GPR137B: variants seen among roughly 807,000 people sequenced by gnomAD.
The protein encoded by GPR137B is integral membrane protein GPR137B.
A neutral mutation model predicts 42.5 loss-of-function variants in GPR137B; 42 were observed. The ratio of observed to expected loss-of-function variants is 0.99; its 90% confidence interval spans 0.77 to 1.28. GPR137B has a LOEUF of 1.28. Ranked by LOEUF, GPR137B falls within the 50% of genes most tolerant of loss-of-function variation. The pLI is 0.00. For synonymous variants in GPR137B, 218 were observed against 209.7 expected (o/e 1.04, Z -0.34); for missense variants, 487 against 493.9 (o/e 0.99, Z 0.13).
rs539220353 is a variant in GPR137B, at chr1:236,203,147, G to T, written c.967-1979G>T. 6.4e-3 allele frequency among the ~76,000 whole-genome samples: 967 copies of T among 152,058 alleles called. 6 individuals are homozygous for T. Among genetic ancestry groups the T allele is most frequent in the Non-Finnish European group, 0.01 (706 of 67,954 alleles). On this transcript the variant is annotated intron_variant, in intron 5 of 6. Coordinates refer to ENST00000366592, the MANE Select transcript of GPR137B (RefSeq NM_003272.4). The stretch of plus-strand genomic sequence containing the variant: ...GGCTGGAGTGCAATGGCGTGATCTC[G>T]GCTCACTGCAAGCTCCGCCTCCCAG...
intron 4 of GPR137B, among the ~76,000 whole-genome samples, chr1:236,181,141 TTAAAGTTTTATAA>T (rs1662861216): frequency 6.6e-6 from 1 of 152,162 alleles, no homozygotes; most frequent in Admixed American, 6.6e-5. Flanking sequence ...ACTGAGGATA[TTAAAGTTTTATAA>T]AAGCTCATGG....
At chr1:236,172,508 G>T (rs1261699513) in intron 2 of GPR137B, among the ~76,000 whole-genome samples, 1 of 152,154 alleles carries the variant, frequency 6.6e-6, no homozygotes, top group Admixed American at 6.5e-5. Context: ...TGCTAGCTCA[G>T]AGTTTTGCTG....
chr1:236,178,093 C>T (rs1662741076), intron 2 of GPR137B, among the ~76,000 whole-genome samples: 2 of 152,214 alleles, frequency 1.3e-5, no homozygotes, highest in South Asian at 4.2e-4. Flanking sequence ...TATAAAACGC[C>T]ATCCCGAGCT....
At chr1:236,204,954 C>T (rs561293187) in intron 5 of GPR137B, among the ~76,000 whole-genome samples, 172 bp from the exon 6 acceptor site, 4 of 152,128 alleles carry the variant, frequency 2.6e-5, no homozygotes, top group Non-Finnish European at 5.9e-5. Flanking sequence ...AAAGGCAAGG[C>T]GAATCCCTCT....
chr1:236,172,521 G>A (rs1356351228), intron 2 of GPR137B, among the ~76,000 whole-genome samples: 1 of 152,168 alleles, frequency 6.6e-6, no homozygotes, highest in African/African-American at 2.4e-5. Flanking sequence ...TTTTGCTGGA[G>A]TGGAAGGCAA....
In GPR137B at chr1:236,179,883, C is replaced by T. The variant is rs759943159; in HGVS notation, c.692C>T (p.Ser231Phe). 2.3e-5 allele frequency: 36 copies of T among 1,577,818 alleles called. No homozygotes were observed. In the South Asian group the frequency reaches 3.8e-4, roughly 17 times the overall value. ...LANIYLESKGSSVCQVTAIGV... is the reference protein window; with the variant it reads ...LANIYLESKGFSVCQVTAIGV... ...CTTCTGCTCCCTCTTTTCCAGGGCT[C>T]CTCCGTGTGTCAAGTGACTGCCATC... Residue 231 changes from serine to phenylalanine, a missense_variant, in exon 4 of 7, where the codon TCC (serine) becomes TTC (phenylalanine). Physicochemically the swap from Ser to Phe is radical, Grantham distance 155. Transcript: ENST00000366592.
At chr1:236,202,423 C>T (rs1663518632) in intron 5 of GPR137B, among the ~76,000 whole-genome samples, 1 of 151,988 alleles carries the variant, frequency 6.6e-6, no homozygotes. Context: ...TTTCACCTGT[C>T]TCTCAGAATT....
intron 1 of GPR137B, among the ~76,000 whole-genome samples, chr1:236,143,651 G>A (rs1471046315): frequency 6.6e-6 from 1 of 152,146 alleles, no homozygotes; most frequent in African/African-American, 2.4e-5. Context: ...AGCTGCTGCC[G>A]CTCATCAGAG....
At chr1:236,153,627 G>A (rs1405603131) in intron 1 of GPR137B, among the ~76,000 whole-genome samples, 1 of 152,208 alleles carries the variant, frequency 6.6e-6, no homozygotes, top group Non-Finnish European at 1.5e-5. Context: ...TCGCTGCGTG[G>A]AACTTAGCCT....
rs1316095739 is a variant in GPR137B at position 236,179,862 on chromosome 1, T to A, written c.688-17T>A. The stretch of plus-strand genomic sequence containing the variant: ...TGGACCTGGAGTGTCCCATACCTTC[T>A]GCTCCCTCTTTTCCAGGGCTCCTCC... On this transcript the variant is annotated splice_polypyrimidine_tract_variant and intron_variant, in intron 3 of 6. Transcript: ENST00000366592. 6.4e-7 allele frequency: 1 copy of A among 1,559,494 alleles called. No homozygotes were observed. The highest frequency in any genetic ancestry group is 8.7e-7 in the Non-Finnish European group (1 of 1,153,542).
intron 2 of GPR137B, among the ~76,000 whole-genome samples, chr1:236,169,306 C>T (rs1662465004): frequency 2.6e-5 from 4 of 152,198 alleles, no homozygotes; most frequent in African/African-American, 9.6e-5. Context: ...CCTTACCCGC[C>T]TTGTCTCAGC....
chr1:236,185,639 T>A (rs994990075), intron 5 of GPR137B, among the ~76,000 whole-genome samples: 2 of 152,260 alleles, frequency 1.3e-5, no homozygotes, highest in Non-Finnish European at 2.9e-5. Flanking sequence ...CACCTCAGCC[T>A]TGACCTCCTG....
At chr1:236,195,679 A>G (rs1172976870) in intron 5 of GPR137B, among the ~76,000 whole-genome samples, 1 of 152,240 alleles carries the variant, frequency 6.6e-6, no homozygotes, top group Non-Finnish European at 1.5e-5. Flanking sequence ...AGGAACTGCC[A>G]AACTGTTCTC....
intron 4 of GPR137B, among the ~76,000 whole-genome samples, chr1:236,181,823 T>G (rs1274579050): frequency 2.6e-5 from 4 of 151,842 alleles, no homozygotes; most frequent in Admixed American, 6.6e-5. Flanking sequence ...AAACAATGAT[T>G]AATTAGAGAC....
chr1:236,156,762 G>T lies in GPR137B; in HGVS notation c.415-11944G>T, dbSNP rs1282344213. 6.6e-6 allele frequency among the ~76,000 whole-genome samples: 1 copy of T among 152,192 alleles called. No homozygotes were observed. Among genetic ancestry groups the T allele is most frequent in the Non-Finnish European group, 1.5e-5 (1 of 68,044 alleles). On this transcript the variant is annotated intron_variant, in intron 1 of 6. Transcript: ENST00000366592. This position sits in a 1 kb window ranked among gnomAD's most constrained non-coding sequence, Gnocchi z 4.8. ...CTGAAGCAGCTGACTAATGACTGTT[G>T]CCTGGGGAGACCAGGGCCCTGGGGT... is the stretch of plus-strand genomic sequence containing the variant.
rs1206401734 is a variant in GPR137B, at chr1:236,166,474, TTATATATATTTATATATAC to T, written c.415-2231_415-2213del. On this transcript the variant is annotated intron_variant, in intron 1 of 6. Coordinates refer to ENST00000366592, the MANE Select transcript of GPR137B (RefSeq NM_003272.4). Reference sequence around the variant, plus strand: ...TTTTAATGTATATTAAATATATACATTATATATATTTATATATACATATATATATTTATATATATACATT... The same window carrying T: ...TTTTAATGTATATTAAATATATACATATATATATATTTATATATATACATT... Among the ~76,000 whole-genome samples the T allele has an allele frequency of 1.8e-3, 242 of 133,584 alleles. 2 individuals are homozygous for T. The highest frequency in any genetic ancestry group is 7.7e-3 in the African/African-American group (225 of 29,310). 87.6% of individuals were successfully genotyped at this position (133,584 alleles called of 152,430 possible). A position where few individuals can be genotyped will look rare whatever the true frequency, so the allele number is the denominator to read the frequency against.
At chr1:236,190,839 G>A (rs1397993801) in intron 5 of GPR137B, among the ~76,000 whole-genome samples, 3 of 152,126 alleles carry the variant, frequency 2.0e-5, no homozygotes, top group Non-Finnish European at 4.4e-5. Context: ...CCTTCTTAAG[G>A]AGTATCTTTG....
intron 1 of GPR137B, among the ~76,000 whole-genome samples, chr1:236,146,840 G>A (rs1486684967): frequency 2.6e-5 from 4 of 152,116 alleles, no homozygotes; most frequent in Non-Finnish European, 5.9e-5. Flanking sequence ...TTATTTTGGA[G>A]TCTGGCTCTG....
In GPR137B at chr1:236,150,496, A is replaced by G. The variant is rs1347058269; in HGVS notation, c.414+7460A>G. ...TCTCTGCAGCTGAGGCTGTGACCGC[A>G]TCAGTGCCTCGGTGATGCCCTGCCA... On this transcript the variant is annotated intron_variant, in intron 1 of 6. Coordinates refer to ENST00000366592, the MANE Select transcript of GPR137B (RefSeq NM_003272.4). The surrounding 1 kb of genome is among the most constrained non-coding windows in gnomAD (Gnocchi z 6.2). Among the ~76,000 whole-genome samples, 3 of 152,166 alleles carry G rather than the reference A, an allele frequency of 2.0e-5. No homozygotes were observed. The highest frequency in any genetic ancestry group is 7.2e-5 in the African/African-American group (3 of 41,440).
Sources: gnomAD v4.1 joint callset for allele counts (sites outside exome capture counted in the v4.1 genomes callset) on GRCh38, gnomAD v4.1.1 for gene constraint, Gnocchi (gnomAD v3.1) non-coding constraint, MANE v1.5 for transcripts, NCBI Gene and HGNC (gene_info 2026-07-23, HGNC 2026-07-21) for gene names.